Variants in FGF1 observed in about 807,000 individuals in gnomAD.
FGF1 encodes fibroblast growth factor 1, also known as beta-endothelial cell growth factor.
FGF1 carries 9 observed loss-of-function variants against 13.4 expected under a neutral mutation model. That is an observed-to-expected ratio of 0.67 (90% CI 0.40 to 1.17). The LOEUF (loss-of-function observed/expected upper bound fraction) is 1.17, where lower values mean the gene tolerates loss of function less well. Ranked by LOEUF, FGF1 falls within the 50% of genes most tolerant of loss-of-function variation. The probability of loss-of-function intolerance (pLI) is 0.01; values close to 1 mark genes in which losing one functional copy is unlikely to be tolerated. For synonymous variants in FGF1, 93 were observed against 79.0 expected (o/e 1.18, Z -0.94); for missense variants, 156 against 192.7 (o/e 0.81, Z 1.13).
chr5:142,653,801 G>T (rs1390738082), intron 1 of FGF1, among the ~76,000 whole-genome samples: 1 of 152,158 alleles, frequency 6.6e-6, no homozygotes, highest in Non-Finnish European at 1.5e-5. Flanking sequence ...AGGCTTGAAA[G>T]TTCCACCTTG....
intron 1 of FGF1, among the ~76,000 whole-genome samples, chr5:142,675,436 T>A (rs542810309): frequency 1.6e-4 from 24 of 152,304 alleles, no homozygotes; most frequent in Non-Finnish European, 2.6e-4. Context: ...AGCCAAGTGA[T>A]GTGCTCATGG....
chr5:142,617,190 A>T (rs1760440048), intron 1 of FGF1, among the ~76,000 whole-genome samples: 1 of 151,946 alleles, frequency 6.6e-6, no homozygotes, highest in African/African-American at 2.4e-5. Flanking sequence ...CATGGCAAAA[A>T]CCCATCTCTA....
At chr5:142,649,158 CTT>C (rs925599363) in intron 1 of FGF1, among the ~76,000 whole-genome samples, 1 of 152,140 alleles carries the variant, frequency 6.6e-6, no homozygotes, top group African/African-American at 2.4e-5. Context: ...TGTGATCGCT[CTT>C]GATTCCCTTT....
chr5:142,597,129 C>T (rs1755446966), intron 3 of FGF1, among the ~76,000 whole-genome samples: 1 of 152,192 alleles, frequency 6.6e-6, no homozygotes, highest in African/African-American at 2.4e-5. Flanking sequence ...AATGTGGGAA[C>T]TAGGCACTGC....
chr5:142,624,565 T>C (rs1010990546), intron 1 of FGF1, among the ~76,000 whole-genome samples: 8 of 152,242 alleles, frequency 5.3e-5, no homozygotes, highest in Admixed American at 4.6e-4. Flanking sequence ...ATGTGCTTAA[T>C]AGTCTTTCTC....
At chr5:142,689,517 C>T (rs1027898516), upstream of FGF1, among the ~76,000 whole-genome samples, 10 of 152,084 alleles carry the variant, frequency 6.6e-5, no homozygotes, top group African/African-American at 2.4e-4. Flanking sequence ...AAGGAAGGTG[C>T]CTCACCCTGA....
chr5:142,650,444 C>T (rs747903247), intron 1 of FGF1, among the ~76,000 whole-genome samples: 1 of 152,190 alleles, frequency 6.6e-6, no homozygotes, highest in Non-Finnish European at 1.5e-5. Context: ...TGTAGCCTCT[C>T]TGAGCTTCAG....
chr5:142,644,530 G>C (rs55768126), intron 1 of FGF1, among the ~76,000 whole-genome samples: 26,387 of 152,010 alleles, frequency 0.17, 2,464 homozygotes, highest in Admixed American at 0.21. Flanking sequence ...AGCAACCCCA[G>C]GTTCTCTGAA....
rs1754621260 is a variant in FGF1 at position 142,593,262 on chromosome 5, G to T, written c.*2028C>A. 6.6e-6 allele frequency: 1 copy of T among 152,100 alleles called. No individual in the cohort carries two copies. Among genetic ancestry groups the T allele is most frequent in the Non-Finnish European group, 1.5e-5 (1 of 68,016 alleles). 9.4% of individuals were successfully genotyped at this position (152,100 alleles called of 1,614,324 possible). The stretch of plus-strand genomic sequence containing the variant: ...TTTCTGGCCAAATCTTCATACTAAA[G>T]AGACGTTAAGCCACACTGCATTTTC... On this transcript the variant is annotated 3_prime_UTR_variant, in exon 4 of 4. Transcript: ENST00000337706.
chr5:142,691,163 A>G (rs1404325384), intron 2 of FGF1, among the ~76,000 whole-genome samples: 4 of 152,130 alleles, frequency 2.6e-5, no homozygotes, highest in Admixed American at 1.3e-4. Context: ...GCTCATGCCT[A>G]TAATCCCAGC....
chr5:142,669,197 C>A (rs893816412), intron 1 of FGF1, among the ~76,000 whole-genome samples: 35 of 152,292 alleles, frequency 2.3e-4, no homozygotes, highest in Non-Finnish European at 4.6e-4. Flanking sequence ...GAAAGTGGAG[C>A]CAGTGGAGAC....
chr5:142,650,918 TTTTAAAA>T (rs1407861634), intron 1 of FGF1, among the ~76,000 whole-genome samples: 1 of 152,068 alleles, frequency 6.6e-6, no homozygotes, highest in East Asian at 1.9e-4. Flanking sequence ...AGGGTGAACA[TTTTAAAA>T]TTTAAGTAAA....
intron 1 of FGF1, among the ~76,000 whole-genome samples, chr5:142,661,937 A>G (rs17223262): frequency 0.013 from 2,050 of 152,150 alleles, 25 homozygotes; most frequent in African/African-American, 0.038. Context: ...TAGGGGGTGG[A>G]GGTTGCAGTG....
intron 1 of FGF1, among the ~76,000 whole-genome samples, chr5:142,651,886 C>T (rs1465502433): frequency 2.1e-5 from 3 of 145,324 alleles, no homozygotes; most frequent in Admixed American, 6.9e-5. Context: ...TAACCTCTTT[C>T]CAGCCTCAAA....
chr5:142,681,863 C>G (rs188538720), intron 1 of FGF1, among the ~76,000 whole-genome samples: 5 of 152,284 alleles, frequency 3.3e-5, no homozygotes, highest in African/African-American at 7.2e-5. Flanking sequence ...TGAGGTGATA[C>G]ACTTACAGCC....
At chr5:142,654,805 C>T (rs978636736) in intron 1 of FGF1, among the ~76,000 whole-genome samples, 12 of 152,196 alleles carry the variant, frequency 7.9e-5, no homozygotes, top group Admixed American at 2.0e-4. Flanking sequence ...CGAGTGGGCC[C>T]CAGGCATTCA....
chr5:142,648,689 C>CAAAAACAA (rs1766646438), intron 1 of FGF1, among the ~76,000 whole-genome samples: 1 of 66,212 alleles, frequency 1.5e-5, no homozygotes, highest in East Asian at 5.3e-4. Context: ...CCCCACCAAC[C>CAAAAACAA]AAAAAAAAAA....
intron 1 of FGF1, among the ~76,000 whole-genome samples, chr5:142,647,431 G>C (rs565107775): frequency 6.6e-6 from 1 of 152,064 alleles, no homozygotes; most frequent in East Asian, 1.9e-4. Flanking sequence ...TCTCACCACC[G>C]CGTTGAGGTA....
chr5:142,620,791 A>G (rs927081074), intron 1 of FGF1, among the ~76,000 whole-genome samples: 5 of 152,232 alleles, frequency 3.3e-5, no homozygotes, highest in Non-Finnish European at 1.5e-5. Flanking sequence ...AGTGAACATC[A>G]TTCTTATCAA....
Sources: allele counts gnomAD v4.1 joint callset (sites outside exome capture counted in the v4.1 genomes callset), GRCh38; gene constraint gnomAD v4.1.1; transcripts MANE v1.5; gene names NCBI Gene and HGNC (gene_info 2026-07-23, HGNC 2026-07-21).